MINDY2: variants seen among roughly 807,000 people sequenced by gnomAD.
MINDY2 encodes ubiquitin carboxyl-terminal hydrolase MINDY-2.
MINDY2 carries 52 observed loss-of-function variants against 68.2 expected under a neutral mutation model. The observed-to-expected ratio is 0.76, with a 90% CI of 0.61 to 0.96. The LOEUF (loss-of-function observed/expected upper bound fraction) is 0.96, where lower values mean the gene tolerates loss of function less well. Ranked by LOEUF, MINDY2 falls within the 40% of genes least tolerant of loss-of-function variation. The pLI is 0.00. For synonymous variants in MINDY2, 372 were observed against 303.0 expected (o/e 1.23, Z -2.36); for missense variants, 881 against 773.4 (o/e 1.14, Z -1.65).
chr15:58,807,629 C>T (rs887408984), intron 3 of MINDY2, among the ~76,000 whole-genome samples: 18 of 152,128 alleles, frequency 1.2e-4, no homozygotes, highest in South Asian at 4.1e-4. Context: ...TCCCAAAGTG[C>T]TGGGATTACA....
In MINDY2 at chr15:58,857,214, C is replaced by G. The variant is rs1162445743; in HGVS notation, c.*2604C>G. ...AAATGTTCAATTGTATTAAAACAAA[C>G]AAGCTTTTCAGAGATACTGGTTTCC... On this transcript the variant is annotated 3_prime_UTR_variant, in exon 9 of 9. Coordinates refer to ENST00000559228, the MANE Select transcript of MINDY2 (RefSeq NM_001040450.3). 4.6e-5 allele frequency: 7 copies of G among 152,094 alleles called. No individual in the cohort carries two copies. The highest frequency in any genetic ancestry group is 1.7e-4 in the African/African-American group (7 of 41,416). The allele number at this position is 152,094 out of a possible 1,614,324, so 9.4% of individuals were successfully genotyped here.
In MINDY2 at chr15:58,861,085, C is replaced by T. The variant is rs2033207052; in HGVS notation, c.*6475C>T. On this transcript the variant is annotated 3_prime_UTR_variant, in exon 9 of 9. Coordinates refer to ENST00000559228, the MANE Select transcript of MINDY2 (RefSeq NM_001040450.3). ...GAAACTTCAGAGGTACCCTGAAAGTCATTTCCTAAAGCTAGTGCGTGTGAA... is the reference window on the plus strand; with the variant it reads ...GAAACTTCAGAGGTACCCTGAAAGTTATTTCCTAAAGCTAGTGCGTGTGAA... 6.6e-6 allele frequency: 1 copy of T among 152,196 alleles called. No individual in the cohort carries two copies. Among genetic ancestry groups the T allele is most frequent in the Non-Finnish European group, 1.5e-5 (1 of 68,036 alleles). 9.4% of individuals were successfully genotyped at this position (152,196 alleles called of 1,614,324 possible).
intron 4 of MINDY2, among the ~76,000 whole-genome samples, chr15:58,812,602 G>A (rs1394378089): frequency 3.3e-5 from 5 of 152,212 alleles, no homozygotes; most frequent in African/African-American, 4.8e-5. Context: ...GCTCATGCCT[G>A]TAATCCTAGA....
At position 58,806,381 on chromosome 15, in the gene MINDY2, A is replaced by G. The variant is rs528017680; in HGVS notation, c.964-3849A>G. ...TTTTTTTTTTTTTTTTTTTTGAGACAGGGTCTCACTCTGTCACTTTGTCTG... is the reference window on the plus strand; with the variant it reads ...TTTTTTTTTTTTTTTTTTTTGAGACGGGGTCTCACTCTGTCACTTTGTCTG... On this transcript the variant is annotated intron_variant, in intron 3 of 8. Coordinates refer to ENST00000559228, the MANE Select transcript of MINDY2 (RefSeq NM_001040450.3). 1.9e-4 allele frequency among the ~76,000 whole-genome samples: 26 copies of G among 140,062 alleles called. 1 individual carries two copies. Among genetic ancestry groups the G allele is most frequent in the African/African-American group, 6.8e-4 (25 of 36,870 alleles). The allele number at this position is 140,062 out of a possible 152,430, so 91.9% of individuals were successfully genotyped here.
intron 6 of MINDY2, among the ~76,000 whole-genome samples, chr15:58,836,868 A>T (rs1446691725): frequency 1.3e-5 from 2 of 151,958 alleles, no homozygotes; most frequent in East Asian, 1.9e-4. Context: ...AGTCTGCCCA[A>T]CTCAACCTCC....
rs143583599 is a variant in MINDY2 at position 58,771,613 on chromosome 15, C to G, written c.218C>G (p.Pro73Arg). Residue 73 changes from proline to arginine, a missense_variant, in exon 1 of 9, where the codon CCT (proline) becomes CGT (arginine). Transcript: ENST00000559228. ...GACTCGGCTTCTCCCGCGGGCTCTC[C>G]TGAGGTTCCCGGACCCTGCAGCTCC... ...LPDSASPAGS[P>R]EVPGPCSSSA... 498 of 1,612,192 alleles carry G rather than the reference C, an allele frequency of 3.1e-4. 2 individuals are homozygous for G. The African/African-American group carries it at 4.6e-3, about 15-fold the overall frequency.
At chr15:58,848,861 G>GT (rs1302492313) in intron 7 of MINDY2, among the ~76,000 whole-genome samples, 2 of 152,150 alleles carry the variant, frequency 1.3e-5, no homozygotes, top group Admixed American at 1.3e-4. Flanking sequence ...CAGGGGTGTT[G>GT]TTTTTTAAAC....
At chr15:58,797,324 T>G (rs564673143) in intron 2 of MINDY2, among the ~76,000 whole-genome samples, 1 of 152,178 alleles carries the variant, frequency 6.6e-6, no homozygotes, top group Admixed American at 6.5e-5. Flanking sequence ...CTGGGCAACA[T>G]GGCAAAACCC....
chr15:58,822,370 G>A (rs2141000607), intron 5 of MINDY2, among the ~76,000 whole-genome samples: 1 of 152,082 alleles, frequency 6.6e-6, no homozygotes, highest in South Asian at 2.1e-4. Flanking sequence ...AAAATTTTTG[G>A]AATCACTTGC....
rs2033211129 is a variant in MINDY2 at position 58,861,275 on chromosome 15, C to T, written c.*6665C>T. 6.6e-6 allele frequency: 1 copy of T among 152,170 alleles called. No homozygotes were observed. The highest frequency in any genetic ancestry group is 1.5e-5 in the Non-Finnish European group (1 of 68,024). 9.4% of individuals were successfully genotyped at this position (152,170 alleles called of 1,614,324 possible). ...TTGTTGGACTAATTGGGTCAATTTG[C>T]TGTGACATATCAAAGATCTCTTTGT... is the stretch of plus-strand genomic sequence containing the variant. On this transcript the variant is annotated 3_prime_UTR_variant, in exon 9 of 9. Transcript: ENST00000559228.
At chr15:58,836,513 C>T (rs1450801771) in intron 6 of MINDY2, among the ~76,000 whole-genome samples, 1 of 152,126 alleles carries the variant, frequency 6.6e-6, no homozygotes, top group Non-Finnish European at 1.5e-5. Context: ...CATTACAATT[C>T]TTGGTTCTAT....
At chr15:58,781,548 G>A (rs1901141813) in intron 1 of MINDY2, among the ~76,000 whole-genome samples, 1 of 152,188 alleles carries the variant, frequency 6.6e-6, no homozygotes, top group South Asian at 2.1e-4. Context: ...ACTGATGAAA[G>A]TGTTTCAGAA....
intron 8 of MINDY2, among the ~76,000 whole-genome samples, chr15:58,853,269 A>T (rs532230892): frequency 1.3e-5 from 2 of 151,966 alleles, no homozygotes; most frequent in African/African-American, 4.8e-5. Context: ...GTTCATTTTG[A>T]TTCAGATACA....
At chr15:58,832,755 G>A (rs2031802448) in intron 6 of MINDY2, among the ~76,000 whole-genome samples, 1 of 151,762 alleles carries the variant, frequency 6.6e-6, no homozygotes, top group South Asian at 2.1e-4. Context: ...TCAAACTCCC[G>A]ACCTCAGATG....
At chr15:58,806,360 T>G (rs1903008801) in intron 3 of MINDY2, among the ~76,000 whole-genome samples, 1 of 150,202 alleles carries the variant, frequency 6.7e-6, no homozygotes, top group Non-Finnish European at 1.5e-5. Flanking sequence ...CCAACTTTTT[T>G]TTTTTTTTTT....
At chr15:58,810,181 T>A in intron 3 of MINDY2, 49 bp from the exon 4 acceptor site, 3 of 1,492,364 alleles carry the variant, frequency 2.0e-6, no homozygotes, top group Non-Finnish European at 1.8e-6. Context: ...TCTTTTTTGT[T>A]CTCGTTTTGA....
chr15:58,791,230 T>TATATATAC, intron 2 of MINDY2, among the ~76,000 whole-genome samples: 1 of 25,088 alleles, frequency 4.0e-5, no homozygotes, highest in Non-Finnish European at 5.5e-5. Flanking sequence ...TATATATATA[T>TATATATAC]ATATATATAT....
intron 6 of MINDY2, among the ~76,000 whole-genome samples, chr15:58,842,692 T>A (rs1261560618): frequency 6.6e-6 from 1 of 152,230 alleles, no homozygotes; most frequent in African/African-American, 2.4e-5. Context: ...ATGATACTCA[T>A]GAATATAATA....
chr15:58,828,089 C>T (rs554573645), intron 5 of MINDY2, among the ~76,000 whole-genome samples: 213 of 151,346 alleles, frequency 1.4e-3, no homozygotes, highest in Middle Eastern at 0.014. Flanking sequence ...AAAAAATTAG[C>T]TGGGTGTGCA....
Sources: allele counts gnomAD v4.1 joint callset (sites outside exome capture counted in the v4.1 genomes callset), GRCh38; gene constraint gnomAD v4.1.1; transcripts MANE v1.5; gene names NCBI Gene and HGNC (gene_info 2026-07-23, HGNC 2026-07-21).